Variants in ACSM3 observed in about 807,000 individuals in gnomAD.
ACSM3 encodes acyl-coenzyme A synthetase ACSM3, mitochondrial.
A neutral mutation model predicts 74.1 loss-of-function variants in ACSM3; 61 were observed. That is an observed-to-expected ratio of 0.82 (90% CI 0.67 to 1.02). ACSM3 has a LOEUF of 1.02. Ranked by LOEUF, ACSM3 falls within the 50% of genes least tolerant of loss-of-function variation. ACSM3 has a pLI of 0.00. For synonymous variants in ACSM3, 213 were observed against 241.5 expected, an observed-to-expected ratio of 0.88 and a Z score of 1.09; for missense variants, 660 against 697.0, an observed-to-expected ratio of 0.95 and a Z score of 0.60.
chr16:20,751,243 C>T (rs1306526234), intron 2 of ACSM3, among the ~76,000 whole-genome samples: 1 of 152,160 alleles, frequency 6.6e-6, no homozygotes, highest in Non-Finnish European at 1.5e-5. Context: ...AAAACCTCTT[C>T]CCCCTTCCTT....
intron 1 of ACSM3, among the ~76,000 whole-genome samples, chr16:20,745,373 G>A (rs969550480): frequency 6.6e-6 from 1 of 151,946 alleles, no homozygotes; most frequent in Admixed American, 6.6e-5. Context: ...ATCACTTGAG[G>A]CCAGTTCAAG....
chr16:20,736,308 T>C (rs191047982), intron 1 of ACSM3: 2 of 151,824 alleles, frequency 1.3e-5, no homozygotes, highest in East Asian at 3.9e-4. Flanking sequence ...CTAAAATGGT[T>C]CTCGTCTCTC....
chr16:20,680,093 C>T (rs1259095511), intron 1 of ACSM3: 1 of 152,236 alleles, frequency 6.6e-6, no homozygotes, highest in Non-Finnish European at 1.5e-5. Context: ...CACACTAACA[C>T]AACTCCAATA....
chr16:20,768,046 C>T (rs1399311412), intron 1 of ACSM3, among the ~76,000 whole-genome samples: 1 of 152,176 alleles, frequency 6.6e-6, no homozygotes, highest in African/African-American at 2.4e-5. Context: ...CCATATGGCC[C>T]ACAAAGCCTC....
intron 2 of ACSM3, among the ~76,000 whole-genome samples, chr16:20,755,178 A>G (rs1471264053): frequency 6.6e-6 from 1 of 152,174 alleles, no homozygotes; most frequent in African/African-American, 2.4e-5. Context: ...CCTGTCCCCT[A>G]CCTGGGCAGT....
chr16:20,698,276 A>C (rs151042681), intron 1 of ACSM3, among the ~76,000 whole-genome samples: 17 of 151,858 alleles, frequency 1.1e-4, no homozygotes, highest in African/African-American at 3.9e-4. Flanking sequence ...AATGAACTAG[A>C]TCCAATGGTG....
At chr16:20,750,084 A>C (rs1298361925) in intron 2 of ACSM3, 3 of 152,230 alleles carry the variant, frequency 2.0e-5, no homozygotes, top group African/African-American at 7.2e-5. Flanking sequence ...GAAATTGTGG[A>C]ATCATTCCAA....
At chr16:20,752,164 T>C (rs2079993678) in intron 2 of ACSM3, among the ~76,000 whole-genome samples, 1 of 151,916 alleles carries the variant, frequency 6.6e-6, no homozygotes. Context: ...CTCTCCAGCC[T>C]GGGCGACAGA....
intron 7 of ACSM3, 91 bp downstream of exon 7, chr16:20,781,878 C>A (rs938088696): frequency 6.8e-5 from 66 of 965,434 alleles, no homozygotes; most frequent in East Asian, 7.7e-5. Context: ...AACATAGCTC[C>A]AAGCCAGTAG....
At chr16:20,787,596 A>G (rs1464255597) in intron 9 of ACSM3, among the ~76,000 whole-genome samples, 1 of 152,214 alleles carries the variant, frequency 6.6e-6, no homozygotes, top group Non-Finnish European at 1.5e-5. Context: ...AGTAGTTTTT[A>G]GGATCAAATA....
chr16:20,690,810 C>G (rs937533929), intron 1 of ACSM3, among the ~76,000 whole-genome samples: 3 of 152,176 alleles, frequency 2.0e-5, no homozygotes, highest in African/African-American at 7.2e-5. Context: ...GATGAAACCA[C>G]TGAGGCTCAA....
intron 1 of ACSM3, chr16:20,680,313 T>G (rs1217318863): frequency 2.6e-5 from 4 of 152,208 alleles, no homozygotes; most frequent in African/African-American, 9.7e-5. Context: ...AGGACTCAAA[T>G]GCATCCAACC....
intron 7 of ACSM3, 143 bp from the exon 8 acceptor site, chr16:20,784,841 G>T: frequency 1.4e-6 from 1 of 722,798 alleles, no homozygotes; most frequent in Non-Finnish European, 2.1e-6. Flanking sequence ...ATGTTTATGG[G>T]GTAAAATGGT....
intron 12 of ACSM3, 39 bp from the exon 13 acceptor site, chr16:20,796,331 C>T: frequency 6.2e-7 from 1 of 1,600,084 alleles, no homozygotes; most frequent in Non-Finnish European, 8.5e-7. Context: ...CATACAAATG[C>T]ATAACTCATT....
chr16:20,735,960 T>C (rs996799414), intron 1 of ACSM3: 1 of 151,870 alleles, frequency 6.6e-6, no homozygotes, highest in Admixed American at 6.5e-5. Context: ...TGCTACTAAA[T>C]AATTTGCTTC....
chr16:20,741,580 C>T (rs542662713), intron 1 of ACSM3: 10 of 1,578,606 alleles, frequency 6.3e-6, no homozygotes, highest in East Asian at 2.3e-5. Flanking sequence ...CACTTGCGCT[C>T]GTTCATATTG....
chr16:20,679,410 T>A (rs1037863770), intron 1 of ACSM3: 2 of 152,220 alleles, frequency 1.3e-5, no homozygotes, highest in Non-Finnish European at 2.9e-5. Context: ...AGCTGACTAG[T>A]CTACACACAG....
chr16:20,758,378 G>A (rs1373839800), intron 3 of ACSM3, among the ~76,000 whole-genome samples: 5 of 152,134 alleles, frequency 3.3e-5, no homozygotes, highest in Admixed American at 6.5e-5. Context: ...TGTATGTGTC[G>A]AGGAATTTCT....
At chr16:20,746,460 T>C (rs1397904058) in intron 1 of ACSM3, among the ~76,000 whole-genome samples, 1 of 152,196 alleles carries the variant, frequency 6.6e-6, no homozygotes, top group Non-Finnish European at 1.5e-5. Flanking sequence ...AGACCTCCTC[T>C]GTGGAAAAGG....
Sources: allele counts gnomAD v4.1 joint callset (sites outside exome capture counted in the v4.1 genomes callset), GRCh38; gene constraint gnomAD v4.1.1; transcripts MANE v1.5; gene names NCBI Gene and HGNC (gene_info 2026-07-23, HGNC 2026-07-21).